The following SGPP2 variants were observed in gnomAD, a reference collection of about 807,000 sequenced individuals.
SGPP2 encodes sphingosine-1-phosphate phosphatase 2.
SGPP2 carries 30 observed loss-of-function variants against 33.9 expected under a neutral mutation model. The observed-to-expected ratio is 0.89, with a 90% CI of 0.66 to 1.20. The LOEUF is 1.20. SGPP2 is among the 50% of genes most tolerant of loss of function. The probability of loss-of-function intolerance (pLI) is 0.00; values close to 1 mark genes in which losing one functional copy is unlikely to be tolerated. For missense variants in SGPP2, 458 were observed against 532.1 expected (o/e 0.86, Z 1.37); for synonymous variants, 233 against 225.0 (o/e 1.04, Z -0.32).
intron 2 of SGPP2, among the ~76,000 whole-genome samples, chr2:222,510,976 A>G (rs1698517909): frequency 6.6e-6 from 1 of 152,230 alleles, no homozygotes; most frequent in African/African-American, 2.4e-5. Context: ...CTGGTTTACT[A>G]GTAATAATGT....
At position 222,529,003 on chromosome 2, in the gene SGPP2, T is replaced by C. The variant is rs1240150145; in HGVS notation, c.648+3970T>C. Among the ~76,000 whole-genome samples the C allele has an allele frequency of 2.0e-5, 3 of 152,224 alleles. No homozygotes were observed. In the East Asian group the frequency reaches 5.8e-4, roughly 29 times the overall value. On this transcript the variant is annotated intron_variant, in intron 4 of 4. Coordinates refer to ENST00000321276, the MANE Select transcript of SGPP2 (RefSeq NM_152386.4). ...TCTTTGTAGAATGCCAATGCTGTTT[T>C]TTTCCTTATTTTTCTCCCCTTTACA...
At chr2:222,544,821 T>C (rs1324296441) in intron 4 of SGPP2, among the ~76,000 whole-genome samples, 1 of 152,178 alleles carries the variant, frequency 6.6e-6, no homozygotes, top group African/African-American at 2.4e-5. Flanking sequence ...ACAGAACAGC[T>C]TGTACAGTGT....
At chr2:222,441,698 A>G (rs1027455266) in intron 1 of SGPP2, among the ~76,000 whole-genome samples, 2 of 152,186 alleles carry the variant, frequency 1.3e-5, no homozygotes, top group Non-Finnish European at 2.9e-5. Context: ...TAGGAATTTT[A>G]TGTTTAGAAA....
At chr2:222,452,579 A>G (rs1396756731) in intron 1 of SGPP2, 17 of 1,255,334 alleles carry the variant, frequency 1.4e-5, no homozygotes, top group Non-Finnish European at 1.8e-5. Flanking sequence ...ATTCCTCTCC[A>G]CAGTTATAGA....
chr2:222,479,243 A>G (rs562870930), intron 2 of SGPP2, among the ~76,000 whole-genome samples: 1 of 152,288 alleles, frequency 6.6e-6, no homozygotes, highest in East Asian at 1.9e-4. Flanking sequence ...AAGGAGCACA[A>G]TATTTTTTAA....
chr2:222,481,293 T>A (rs1698025905), intron 2 of SGPP2, among the ~76,000 whole-genome samples: 1 of 152,238 alleles, frequency 6.6e-6, no homozygotes, highest in African/African-American at 2.4e-5. Flanking sequence ...AACTTCCAGT[T>A]CATATATAAT....
chr2:222,463,078 T>G (rs1697689897), intron 1 of SGPP2, among the ~76,000 whole-genome samples: 1 of 152,344 alleles, frequency 6.6e-6, no homozygotes, highest in African/African-American at 2.4e-5. Flanking sequence ...TTGATGGAAC[T>G]TCTCAAGAAT....
At chr2:222,540,179 G>T (rs1290175402) in intron 4 of SGPP2, among the ~76,000 whole-genome samples, 1 of 152,144 alleles carries the variant, frequency 6.6e-6, no homozygotes, top group Non-Finnish European at 1.5e-5. Flanking sequence ...ATATTTGAAA[G>T]TACCAACTGA....
Position 222,424,828 on chromosome 2 carries a change from A to G in SGPP2, c.219+7A>G, listed in dbSNP as rs1266648658. ...CAGAGCCGCGGCGCCGGAGGTAACCATGGGCAGGTGTTCGCCGGGTACGGG... is the reference window on the plus strand; with the variant it reads ...CAGAGCCGCGGCGCCGGAGGTAACCGTGGGCAGGTGTTCGCCGGGTACGGG... On this transcript the variant is annotated splice_region_variant and intron_variant, in intron 1 of 4. Transcript: ENST00000321276. 21 of 1,351,800 alleles carry G rather than the reference A, an allele frequency of 1.6e-5. No individual in the cohort carries two copies. Among genetic ancestry groups the G allele is most frequent in the African/African-American group, 3.1e-5 (2 of 65,548 alleles). The allele number at this position is 1,351,800 out of a possible 1,614,324, so 83.7% of individuals were successfully genotyped here. A position where few individuals can be genotyped will look rare whatever the true frequency, so the allele number is the denominator to read the frequency against.
chr2:222,469,563 A>G (rs1295235336), intron 1 of SGPP2, among the ~76,000 whole-genome samples: 1 of 152,224 alleles, frequency 6.6e-6, no homozygotes, highest in Non-Finnish European at 1.5e-5. Context: ...CTGGCTAGTC[A>G]GAAATGTAGA....
At chr2:222,535,133 T>G (rs1698893917) in intron 4 of SGPP2, among the ~76,000 whole-genome samples, 1 of 144,864 alleles carries the variant, frequency 6.9e-6, no homozygotes, top group Non-Finnish European at 1.5e-5. Flanking sequence ...TCCCAGCACT[T>G]TGGGAGGCAA....
chr2:222,528,155 T>TA (rs1332145330), intron 4 of SGPP2, among the ~76,000 whole-genome samples: 1 of 152,202 alleles, frequency 6.6e-6, no homozygotes, highest in African/African-American at 2.4e-5. Context: ...GGGAAGCTTC[T>TA]AAAAAAATCT....
intron 1 of SGPP2, among the ~76,000 whole-genome samples, chr2:222,449,753 G>A (rs1176863900): frequency 6.6e-6 from 1 of 152,172 alleles, no homozygotes; most frequent in Non-Finnish European, 1.5e-5. Context: ...GAAATCTGGG[G>A]AGTTTTAAAA....
chr2:222,517,393 G>T (rs531062257), intron 2 of SGPP2, among the ~76,000 whole-genome samples: 1 of 152,274 alleles, frequency 6.6e-6, no homozygotes, highest in African/African-American at 2.4e-5. Flanking sequence ...GAGTTCCGCT[G>T]GGGACAGTCG....
chr2:222,475,695 G>T (rs1003472719), intron 2 of SGPP2, among the ~76,000 whole-genome samples: 10 of 152,138 alleles, frequency 6.6e-5, no homozygotes, highest in Admixed American at 2.0e-4. Flanking sequence ...GGTAACCCTG[G>T]CATTTAATTT....
intron 2 of SGPP2, among the ~76,000 whole-genome samples, chr2:222,475,054 C>T (rs1046519242): frequency 1.3e-5 from 2 of 152,128 alleles, no homozygotes; most frequent in Non-Finnish European, 2.9e-5. Flanking sequence ...TTTTCATCCC[C>T]CAACAGGGAG....
upstream of SGPP2, chr2:222,424,400 G>C (rs1697024959): frequency 5.1e-6 from 1 of 195,484 alleles, no homozygotes; most frequent in African/African-American, 2.4e-5. Context: ...GAGAGAAAGG[G>C]GGACGCGTTG....
chr2:222,536,532 T>C (rs1299538103), intron 4 of SGPP2, among the ~76,000 whole-genome samples: 1 of 151,932 alleles, frequency 6.6e-6, no homozygotes, highest in Non-Finnish European at 1.5e-5. Context: ...ATGCAAAAAT[T>C]AGCCAGGCAT....
chr2:222,475,696 C>T (rs1697923051), intron 2 of SGPP2, among the ~76,000 whole-genome samples: 2 of 152,154 alleles, frequency 1.3e-5, no homozygotes. Context: ...GTAACCCTGG[C>T]ATTTAATTTT....
Sources: gnomAD v4.1 joint callset for allele counts (sites outside exome capture counted in the v4.1 genomes callset) on GRCh38, gnomAD v4.1.1 for gene constraint, MANE v1.5 for transcripts, NCBI Gene and HGNC (gene_info 2026-07-23, HGNC 2026-07-21) for gene names.